The following PRKN variants were observed in gnomAD, a reference collection of about 807,000 sequenced individuals.
The protein encoded by PRKN is E3 ubiquitin-protein ligase parkin.
Under a neutral mutation model 59.5 loss-of-function variants are expected in PRKN, and 56 were observed. The observed-to-expected ratio is 0.94, with a 90% CI of 0.76 to 1.18. The LOEUF (loss-of-function observed/expected upper bound fraction) is 1.18. PRKN is among the 50% of genes most tolerant of loss of function. PRKN has a pLI of 0.00. For synonymous variants in PRKN, 250 were observed against 222.1 expected, an observed-to-expected ratio of 1.13 and a Z score of -1.12; for missense variants, 657 against 596.4, an observed-to-expected ratio of 1.10 and a Z score of -1.06.
At position 162,185,865 on chromosome 6, in the gene PRKN, G is replaced by C. The variant is rs1048017217; in HGVS notation, c.534+15266C>G. Among the ~76,000 whole-genome samples the C allele has an allele frequency of 7.9e-5, 12 of 152,012 alleles. No individual in the cohort carries two copies. The East Asian group carries it at 1.5e-3, about 20-fold the overall frequency. ...ATTTAAAATATTTTAAATGCCTTAG[G>C]GACTCTACGGAGCAAGTAGTGTTAA... On this transcript the variant is annotated intron_variant, in intron 4 of 11. Coordinates refer to ENST00000366898, the MANE Select transcript of PRKN (RefSeq NM_004562.3).
chr6:161,745,020 A>G (rs1474783269), intron 7 of PRKN, among the ~76,000 whole-genome samples: 1 of 152,210 alleles, frequency 6.6e-6, no homozygotes, highest in African/African-American at 2.4e-5. Flanking sequence ...AAATGTGCCT[A>G]TGTTTTCACA....
intron 4 of PRKN, among the ~76,000 whole-genome samples, chr6:162,111,664 G>A (rs1456588464): frequency 5.3e-5 from 8 of 151,824 alleles, no homozygotes; most frequent in South Asian, 2.1e-4. Context: ...AAATCACTGC[G>A]GTACTGTACT....
intron 7 of PRKN, among the ~76,000 whole-genome samples, chr6:161,781,961 A>G (rs529771767): frequency 1.3e-5 from 2 of 152,352 alleles, no homozygotes; most frequent in Non-Finnish European, 2.9e-5. Context: ...GCACTTTGCA[A>G]TTGCTGATGG....
chr6:161,857,979 G>T (rs1166714348), intron 6 of PRKN, among the ~76,000 whole-genome samples: 1 of 152,202 alleles, frequency 6.6e-6, no homozygotes, highest in Admixed American at 6.5e-5. Flanking sequence ...AAGACACTCA[G>T]TAGACAACAA....
chr6:161,942,528 C>T (rs1258746077), intron 6 of PRKN, among the ~76,000 whole-genome samples: 2 of 151,966 alleles, frequency 1.3e-5, no homozygotes, highest in Non-Finnish European at 2.9e-5. Flanking sequence ...GAGACTCCAT[C>T]TCAAAAAAAT....
At chr6:161,979,228 G>C (rs1781169757) in intron 5 of PRKN, among the ~76,000 whole-genome samples, 1 of 151,742 alleles carries the variant, frequency 6.6e-6, no homozygotes, top group South Asian at 2.1e-4. Context: ...TAGAAAATGT[G>C]CTTGGCTTTA....
rs1780631148 is a variant in PRKN at position 161,566,059 on chromosome 6, CA to C, written c.933+3295del. ...TTACCATCAGTACATAGACATGCTG[CA>C]ATTTTTCCCATTAAGAAGGTCATTT... is the stretch of plus-strand genomic sequence containing the variant. On this transcript the variant is annotated intron_variant, in intron 8 of 11. Transcript: ENST00000366898. This position sits in a 1 kb window ranked among gnomAD's most constrained non-coding sequence, Gnocchi z 4.1. 6.6e-6 allele frequency among the ~76,000 whole-genome samples: 1 copy of C among 152,220 alleles called. No individual in the cohort carries two copies. The highest frequency in any genetic ancestry group is 2.4e-5 in the African/African-American group (1 of 41,448).
intron 3 of PRKN, among the ~76,000 whole-genome samples, chr6:162,224,167 A>G (rs1778063512): frequency 6.6e-6 from 1 of 152,118 alleles, no homozygotes; most frequent in Non-Finnish European, 1.5e-5. Context: ...GCTGAGCTAT[A>G]TTTGGCATAT....
chr6:162,340,072 T>C (rs1784100004), intron 2 of PRKN, among the ~76,000 whole-genome samples: 1 of 145,896 alleles, frequency 6.9e-6, no homozygotes, highest in Admixed American at 6.9e-5. Context: ...TGACCTTCCC[T>C]CCACTATTGT....
rs114675985 is a variant in PRKN at position 162,466,218 on chromosome 6, A to G, written c.8-22745T>C. 5.2e-3 allele frequency among the ~76,000 whole-genome samples: 795 copies of G among 152,316 alleles called. 7 individuals are homozygous for G. Among genetic ancestry groups the G allele is most frequent in the African/African-American group, 0.018 (761 of 41,560 alleles). On this transcript the variant is annotated intron_variant, in intron 1 of 11. Coordinates refer to ENST00000366898, the MANE Select transcript of PRKN (RefSeq NM_004562.3). ...AGCTGTGATAAATTACTTCAAGAAA[A>G]TAACACTTTCCATTGCCTTTCTTTT...
In PRKN at chr6:162,708,765, GC is replaced by G. The variant is rs1441506562; in HGVS notation, c.7+18896del. Among the ~76,000 whole-genome samples the G allele has an allele frequency of 2.0e-5, 3 of 152,300 alleles. No individual in the cohort carries two copies. In the East Asian group the frequency reaches 5.8e-4, roughly 29 times the overall value. On this transcript the variant is annotated intron_variant, in intron 1 of 11. Transcript: ENST00000366898. ...TGACATAGAGTCAGAGACCTAAAGA[GC>G]CTTGTTGGGAGAGCAGTCTTCCCTG...
In PRKN at chr6:162,713,468, T is replaced by C. The variant is rs933344435; in HGVS notation, c.7+14194A>G. On this transcript the variant is annotated intron_variant, in intron 1 of 11. Coordinates refer to ENST00000366898, the MANE Select transcript of PRKN (RefSeq NM_004562.3). ...AAGATCGCGCCACCGCACTCCAGCC[T>C]GGGCAACAGAGTGAGACTCCACCTC... Among the ~76,000 whole-genome samples the C allele has an allele frequency of 3.5e-5, 4 of 115,930 alleles. No homozygotes were observed. The Admixed American group carries it at 4.0e-4, about 11-fold the overall frequency. The allele number at this position is 115,930 out of a possible 152,430, so 76.1% of individuals were successfully genotyped here.
Position 162,727,691 on chromosome 6 carries a change from G to A in PRKN, c.-23C>T. 16 of 1,570,168 alleles carry A rather than the reference G, an allele frequency of 1.0e-5. No homozygotes were observed. The highest frequency in any genetic ancestry group is 1.4e-5 in the Non-Finnish European group (16 of 1,158,902). On this transcript the variant is annotated 5_prime_UTR_variant, in exon 1 of 12. Coordinates refer to ENST00000366898, the MANE Select transcript of PRKN (RefSeq NM_004562.3). Reference sequence around the variant, plus strand: ...CATGGTCACTGGGTAGGTGGCGGCTGCGGGCCAGGAACAGGCCCATGCGCG... The same window carrying A: ...CATGGTCACTGGGTAGGTGGCGGCTACGGGCCAGGAACAGGCCCATGCGCG...
chr6:162,188,325 A>G (rs1279046307), intron 4 of PRKN, among the ~76,000 whole-genome samples: 1 of 151,976 alleles, frequency 6.6e-6, no homozygotes, highest in African/African-American at 2.4e-5. Flanking sequence ...ACTATGACCA[A>G]CCCTGGTGAT....
In PRKN at chr6:161,379,419, G is replaced by A. The variant is rs1194550451; in HGVS notation, c.1167+7375C>T. 6.6e-6 allele frequency among the ~76,000 whole-genome samples: 1 copy of A among 152,184 alleles called. No homozygotes were observed. The highest frequency in any genetic ancestry group is 1.9e-4 in the East Asian group (1 of 5,194). On this transcript the variant is annotated intron_variant, in intron 10 of 11. Transcript: ENST00000366898. The surrounding 1 kb of genome is among the most constrained non-coding windows in gnomAD (Gnocchi z 4.9). ...AGTTTACCCTGCTAACCTTCCATTT[G>A]TACATTTCTCCAGTCTCTCTCATTC...
intron 1 of PRKN, among the ~76,000 whole-genome samples, chr6:162,454,930 G>A (rs1413643325): frequency 1.3e-5 from 2 of 152,180 alleles, no homozygotes; most frequent in Admixed American, 6.5e-5. Context: ...GTAAGGTAAA[G>A]GTTGGCATTA....
At chr6:162,542,496 G>A (rs13206447) in intron 1 of PRKN, among the ~76,000 whole-genome samples, 13,256 of 151,938 alleles carry the variant, frequency 0.087, 730 homozygotes, top group South Asian at 0.18. Context: ...TTTTACATAC[G>A]GCATTTCCAC....
chr6:161,859,714 T>C (rs1458301696), intron 6 of PRKN, among the ~76,000 whole-genome samples: 1 of 151,864 alleles, frequency 6.6e-6, no homozygotes, highest in Non-Finnish European at 1.5e-5. Flanking sequence ...TTTGTAAAGG[T>C]CCCATGGTTA....
chr6:162,372,697 C>T (rs912147643), intron 2 of PRKN, among the ~76,000 whole-genome samples: 2 of 151,896 alleles, frequency 1.3e-5, no homozygotes, highest in African/African-American at 2.4e-5. Context: ...ACAGGTACCA[C>T]CTGAATGTAA....
Sources: gnomAD v4.1 joint callset for allele counts (sites outside exome capture counted in the v4.1 genomes callset) on GRCh38, gnomAD v4.1.1 for gene constraint, Gnocchi (gnomAD v3.1) non-coding constraint, MANE v1.5 for transcripts, NCBI Gene and HGNC (gene_info 2026-07-23, HGNC 2026-07-21) for gene names.